The following AGMO variants were observed in gnomAD, a reference collection of about 807,000 sequenced individuals.
AGMO encodes the protein glyceryl-ether monooxygenase.
Under a neutral mutation model 60.2 loss-of-function variants are expected in AGMO, and 75 were observed. The observed-to-expected ratio is 1.25, with a 90% CI of 1.03 to 1.51. The LOEUF (loss-of-function observed/expected upper bound fraction) is 1.51, where lower values mean the gene tolerates loss of function less well. Ranked by LOEUF, AGMO falls within the 40% of genes most tolerant of loss-of-function variation. The pLI, the probability that AGMO is intolerant of heterozygous loss-of-function variation, is 0.00. For synonymous variants in AGMO, 261 were observed against 177.1 expected (o/e 1.47, Z -3.76); for missense variants, 763 against 525.5 (o/e 1.45, Z -4.42).
chr7:15,486,980 C>A lies in AGMO; in HGVS notation c.410-55872G>T, dbSNP rs1449758718. 3.9e-5 allele frequency among the ~76,000 whole-genome samples: 6 copies of A among 152,198 alleles called. No individual in the cohort carries two copies. In the East Asian group the frequency reaches 1.2e-3, roughly 29 times the overall value. On this transcript the variant is annotated intron_variant, in intron 3 of 12. Transcript: ENST00000342526. The stretch of plus-strand genomic sequence containing the variant: ...TGACAACCAACAGGCGCATCCTCCA[C>A]CCCTTCATCCCTCTCACCATCTCTG...
chr7:15,465,642 C>T (rs1330648669), intron 3 of AGMO, among the ~76,000 whole-genome samples: 2 of 149,148 alleles, frequency 1.3e-5, no homozygotes, highest in African/African-American at 4.9e-5. Flanking sequence ...GACAGGGTTT[C>T]CCTATATTGC....
intron 3 of AGMO, among the ~76,000 whole-genome samples, chr7:15,483,571 AAACAAAC>A (rs1782824596): frequency 1.6e-5 from 2 of 122,342 alleles, no homozygotes; most frequent in Admixed American, 7.4e-5. Flanking sequence ...CTCTGTCTCA[AAACAAAC>A]AAACAAACAA....
At chr7:15,352,588 T>C (rs1187093910) in intron 12 of AGMO, among the ~76,000 whole-genome samples, 1 of 151,970 alleles carries the variant, frequency 6.6e-6, no homozygotes, top group Non-Finnish European at 1.5e-5. Context: ...GTGGCAATTT[T>C]ACGGTCAATT....
chr7:15,284,591 A>G (rs757815532), intron 12 of AGMO, among the ~76,000 whole-genome samples: 1 of 152,062 alleles, frequency 6.6e-6, no homozygotes, highest in African/African-American at 2.4e-5. Flanking sequence ...AAAAATGCCA[A>G]CAAAAATAAG....
intron 12 of AGMO, among the ~76,000 whole-genome samples, chr7:15,340,197 T>G (rs961963082): frequency 2.6e-5 from 4 of 152,238 alleles, no homozygotes; most frequent in Non-Finnish European, 5.9e-5. Flanking sequence ...TAATTTTATT[T>G]TTCCTTGGAA....
At chr7:15,358,398 A>G (rs1264039076) in intron 12 of AGMO, 3 of 471,344 alleles carry the variant, frequency 6.4e-6, no homozygotes, top group African/African-American at 2.0e-5. Flanking sequence ...GGATAATAAG[A>G]AGGCATAATA....
At chr7:15,486,664 A>G (rs1482068384) in intron 3 of AGMO, among the ~76,000 whole-genome samples, 1 of 152,236 alleles carries the variant, frequency 6.6e-6, no homozygotes, top group Non-Finnish European at 1.5e-5. Flanking sequence ...CATTGTAATA[A>G]TAATTTTATT....
chr7:15,303,108 C>G (rs1766006666), intron 12 of AGMO, among the ~76,000 whole-genome samples: 1 of 151,740 alleles, frequency 6.6e-6, no homozygotes, highest in Non-Finnish European at 1.5e-5. Flanking sequence ...CAAAAGACAG[C>G]TCAAAATGCA....
chr7:15,254,435 G>A (rs1005287758), intron 12 of AGMO, among the ~76,000 whole-genome samples: 1 of 152,070 alleles, frequency 6.6e-6, no homozygotes, highest in South Asian at 2.1e-4. Context: ...CCTTCTAACT[G>A]AGGTGAGGTG....
intron 2 of AGMO, among the ~76,000 whole-genome samples, chr7:15,554,839 AG>A (rs146748536): frequency 0.013 from 1,909 of 152,178 alleles, 47 homozygotes; most frequent in African/African-American, 0.045. Context: ...TCTCCATCTG[AG>A]TCTACCCATC....
intron 3 of AGMO, among the ~76,000 whole-genome samples, chr7:15,458,802 GC>G (rs1782060656): frequency 6.6e-6 from 1 of 152,116 alleles, no homozygotes; most frequent in Non-Finnish European, 1.5e-5. Context: ...AAATTGCAGG[GC>G]CAAGTCAGGA....
intron 3 of AGMO, among the ~76,000 whole-genome samples, chr7:15,493,086 TTTAAGGCTATAGC>T (rs1187258978): frequency 2.0e-5 from 3 of 152,162 alleles, no homozygotes; most frequent in African/African-American, 7.2e-5. Flanking sequence ...GTGTAAACAT[TTTAAGGCTATAGC>T]TTAAGGCATT....
chr7:15,275,638 G>A (rs1326391671), intron 12 of AGMO, among the ~76,000 whole-genome samples: 2 of 152,134 alleles, frequency 1.3e-5, no homozygotes, highest in East Asian at 1.9e-4. Flanking sequence ...GTCACCAGTG[G>A]GGTGTTAAGG....
intron 12 of AGMO, among the ~76,000 whole-genome samples, chr7:15,266,303 T>A (rs1783429937): frequency 6.6e-6 from 1 of 152,036 alleles, no homozygotes; most frequent in Non-Finnish European, 1.5e-5. Flanking sequence ...ACGGTGAAGA[T>A]GGATGTTCAT....
At chr7:15,532,101 G>C (rs1042441062) in intron 3 of AGMO, among the ~76,000 whole-genome samples, 1 of 152,140 alleles carries the variant, frequency 6.6e-6, no homozygotes, top group Non-Finnish European at 1.5e-5. Context: ...GTGAAGCAGA[G>C]GAAGCATCAC....
At chr7:15,373,902 T>TA in intron 10 of AGMO, among the ~76,000 whole-genome samples, 2 of 152,350 alleles carry the variant, frequency 1.3e-5, no homozygotes, top group Middle Eastern at 6.8e-3. Context: ...CAGACATCTG[T>TA]AAAATGAGGC....
chr7:15,419,051 C>A (rs1218148823), intron 4 of AGMO, among the ~76,000 whole-genome samples: 4 of 151,702 alleles, frequency 2.6e-5, no homozygotes, highest in Non-Finnish European at 5.9e-5. Flanking sequence ...TGTATTATTA[C>A]CTGGCATTTT....
chr7:15,365,064 G>C (rs1238552821), intron 12 of AGMO, among the ~76,000 whole-genome samples: 1 of 151,886 alleles, frequency 6.6e-6, no homozygotes, highest in Non-Finnish European at 1.5e-5. Context: ...AAATCCCACT[G>C]ACTTCAGTGA....
At chr7:15,347,861 A>G (rs1299873965) in intron 12 of AGMO, among the ~76,000 whole-genome samples, 1 of 152,046 alleles carries the variant, frequency 6.6e-6, no homozygotes, top group Non-Finnish European at 1.5e-5. Context: ...CTGTATAAAT[A>G]CTTTATTAAA....
Sources: gnomAD v4.1 joint callset for allele counts (sites outside exome capture counted in the v4.1 genomes callset) on GRCh38, gnomAD v4.1.1 for gene constraint, MANE v1.5 for transcripts, NCBI Gene and HGNC (gene_info 2026-07-23, HGNC 2026-07-21) for gene names.